DMD: variants seen among roughly 807,000 people sequenced by gnomAD.
DMD encodes the protein mutant dystrophin.
Under a neutral mutation model 330.1 loss-of-function variants are expected in DMD, and 63 were observed. That is an observed-to-expected ratio of 0.19 (90% CI 0.16 to 0.24). DMD has a LOEUF of 0.24. DMD is among the 10% of genes least tolerant of loss of function. The pLI, the probability that DMD is intolerant of heterozygous loss-of-function variation, is 1.00. For synonymous variants in DMD, 1,223 were observed against 959.8 expected (o/e 1.27, Z -5.07); for missense variants, 3,344 against 2,684.1 (o/e 1.25, Z -5.43).
chrX:31,724,744 G>A (rs1021460336), intron 52 of DMD, among the ~76,000 whole-genome samples: 24 of 111,663 alleles, frequency 2.1e-4, no homozygotes, highest in Non-Finnish European at 3.8e-5. Flanking sequence ...TCTAATATGT[G>A]CCACATATTT....
At position 32,975,358 on chromosome X, in the gene DMD, T is replaced by C. The variant is rs1460089801; in HGVS notation, c.93+44781A>G. Among the ~76,000 whole-genome samples the C allele has an allele frequency of 5.1e-4, 53 of 104,085 alleles. No homozygotes were observed. In the East Asian group the frequency reaches 8.2e-3, roughly 16 times the overall value. 90.4% of individuals were successfully genotyped at this position (104,085 alleles called of 115,157 possible). On this transcript the variant is annotated intron_variant, in intron 2 of 78. Transcript: ENST00000357033. ...ACTTTAAAAAATGCTTTTTTTTTTT[T>C]TTTTTTTTTTTGAAACCCTGAAAAA...
At chrX:31,714,825 C>T (rs1361168691) in intron 52 of DMD, among the ~76,000 whole-genome samples, 3 of 111,609 alleles carry the variant, frequency 2.7e-5, no homozygotes, top group Non-Finnish European at 5.6e-5. Context: ...AGTGCCCTAT[C>T]GTAGATTTTG....
chrX:31,971,402 G>T (rs1254772785), intron 44 of DMD, among the ~76,000 whole-genome samples: 1 of 111,788 alleles, frequency 8.9e-6, no homozygotes, highest in African/African-American at 3.2e-5. Context: ...ATAAGAGATA[G>T]AATTGAACAG....
chrX:31,569,623 CGT>C (rs2075669230), intron 55 of DMD, among the ~76,000 whole-genome samples: 5 of 86,579 alleles, frequency 5.8e-5, no homozygotes, highest in African/African-American at 2.1e-4. Context: ...CGTATATATA[CGT>C]ATATACGTAT....
intron 44 of DMD, among the ~76,000 whole-genome samples, chrX:32,062,981 T>A (rs749704137): frequency 1.8e-5 from 2 of 111,164 alleles, no homozygotes; most frequent in Non-Finnish European, 3.8e-5. Context: ...CTGAGTTTTT[T>A]AAAAAAATTA....
chrX:32,651,732 C>G (rs946083038), intron 9 of DMD, among the ~76,000 whole-genome samples: 1 of 111,742 alleles, frequency 8.9e-6, no homozygotes, highest in Admixed American at 9.5e-5. Context: ...ATGTCTGTAT[C>G]AAAACATCTC....
At chrX:32,079,073 C>A (rs1367820323) in intron 44 of DMD, among the ~76,000 whole-genome samples, 2 of 111,797 alleles carry the variant, frequency 1.8e-5, no homozygotes, top group Non-Finnish European at 3.8e-5. Context: ...TTCTAACCAC[C>A]CCTTTGAGTT....
chrX:32,076,330 A>G (rs2096349894), intron 44 of DMD, among the ~76,000 whole-genome samples: 1 of 108,971 alleles, frequency 9.2e-6, no homozygotes, highest in South Asian at 4.0e-4. Flanking sequence ...ACTTCATGAC[A>G]ATGTTGTGCT....
intron 2 of DMD, among the ~76,000 whole-genome samples, chrX:32,959,512 C>T (rs1359510813): frequency 9.0e-6 from 1 of 111,661 alleles, no homozygotes; most frequent in Non-Finnish European, 1.9e-5. Context: ...TTACTAAATA[C>T]TCAATTGTTT....
chrX:31,366,523 AAAG>A (rs2059268525), intron 60 of DMD, among the ~76,000 whole-genome samples: 1 of 103,727 alleles, frequency 9.6e-6, no homozygotes, highest in African/African-American at 3.5e-5. Context: ...AATAAATAAA[AAAG>A]ATAAAAGAAA....
At chrX:33,275,326 C>T (rs1029050623) in intron 1 of DMD, among the ~76,000 whole-genome samples, 1 of 109,715 alleles carries the variant, frequency 9.1e-6, no homozygotes, top group African/African-American at 3.5e-5. Context: ...TCAGCTCTAC[C>T]ACTGACTAGC....
At chrX:32,038,186 T>C (rs1195554057) in intron 44 of DMD, among the ~76,000 whole-genome samples, 4 of 111,654 alleles carry the variant, frequency 3.6e-5, no homozygotes, top group South Asian at 3.8e-4. Flanking sequence ...TAAATCCTCA[T>C]ATAATAATAG....
At chrX:33,134,045 GA>G (rs746248909) in intron 1 of DMD, among the ~76,000 whole-genome samples, 2 of 111,653 alleles carry the variant, frequency 1.8e-5, no homozygotes, top group Non-Finnish European at 3.8e-5. Context: ...AATCATTTTA[GA>G]ATTTGATATA....
chrX:31,341,878 T>C (rs868588364), intron 61 of DMD, among the ~76,000 whole-genome samples: 738 of 68,003 alleles, frequency 0.011, 6 homozygotes, highest in African/African-American at 0.044. Flanking sequence ...CGTGCGCGCG[T>C]GCGTGCGCGC....
At position 31,403,860 on chromosome X, in the gene DMD, T is replaced by C. The variant is rs188116743; in HGVS notation, c.9084+40621A>G. 1.5e-4 allele frequency among the ~76,000 whole-genome samples: 17 copies of C among 111,932 alleles called. No individual in the cohort carries two copies. In the East Asian group the frequency reaches 4.8e-3, roughly 31 times the overall value. On this transcript the variant is annotated intron_variant, in intron 60 of 78. Transcript: ENST00000357033. ...TATATAAGGCTATTTTGCATAGAAA[T>C]GATTAGACATAGATAAATATTTACA...
At position 32,057,034 on chromosome X, in the gene DMD, T is replaced by C. The variant is rs183772954; in HGVS notation, c.6439-88520A>G. 7.1e-4 allele frequency among the ~76,000 whole-genome samples: 79 copies of C among 111,363 alleles called. 1 individual carries two copies. The highest frequency in any genetic ancestry group is 1.2e-3 in the Non-Finnish European group (62 of 52,824). On this transcript the variant is annotated intron_variant, in intron 44 of 78. Transcript: ENST00000357033. The stretch of plus-strand genomic sequence containing the variant: ...GGCTAAAAATCTATGGTCATCTCAA[T>C]AGCTGCAGAAAAAGCGCTTAACAAG...
chrX:31,489,537 C>T (rs894253906), intron 57 of DMD, among the ~76,000 whole-genome samples: 1 of 111,905 alleles, frequency 8.9e-6, no homozygotes, highest in African/African-American at 3.2e-5. Flanking sequence ...ACTTACTACC[C>T]AACATAATTT....
chrX:32,627,130 C>A (rs2058394535), intron 11 of DMD, among the ~76,000 whole-genome samples: 2 of 93,858 alleles, frequency 2.1e-5, no homozygotes, highest in South Asian at 1.0e-3. Flanking sequence ...GGGTTGAGAA[C>A]GATTGTGCCT....
At chrX:31,153,155 G>A (rs1207487949) in intron 74 of DMD, among the ~76,000 whole-genome samples, 2 of 111,574 alleles carry the variant, frequency 1.8e-5, no homozygotes, top group Non-Finnish European at 3.8e-5. Flanking sequence ...TCATTGCCAG[G>A]CAGTAGGTAG....
Sources: allele counts gnomAD v4.1 joint callset (sites outside exome capture counted in the v4.1 genomes callset), GRCh38; gene constraint gnomAD v4.1.1; transcripts MANE v1.5; gene names NCBI Gene and HGNC (gene_info 2026-07-23, HGNC 2026-07-21).